The following PRKG1 variants were observed in gnomAD, a reference collection of about 807,000 sequenced individuals.
PRKG1 encodes cGMP-dependent protein kinase 1.
PRKG1 carries 35 observed loss-of-function variants against 88.1 expected under a neutral mutation model. That is an observed-to-expected ratio of 0.40 (90% CI 0.30 to 0.53). PRKG1 has a LOEUF of 0.53. Ranked by LOEUF, PRKG1 falls within the 20% of genes least tolerant of loss-of-function variation. PRKG1 has a pLI of 0.59. For synonymous variants in PRKG1, 303 were observed against 292.5 expected (o/e 1.04, Z -0.37); for missense variants, 540 against 839.8 (o/e 0.64, Z 4.41).
intron 3 of PRKG1, among the ~76,000 whole-genome samples, chr10:51,560,504 G>A (rs10998116): frequency 0.15 from 22,605 of 151,736 alleles, 1,872 homozygotes; most frequent in African/African-American, 0.22. Context: ...CTAATTTTTT[G>A]AAAAAACTTT....
chr10:51,785,124 C>CTT lies in PRKG1; in HGVS notation c.593-19448_593-19447dup, dbSNP rs539528854. On this transcript the variant is annotated intron_variant, in intron 3 of 17. Coordinates refer to ENST00000373980, the MANE Select transcript of PRKG1 (RefSeq NM_006258.4). The stretch of plus-strand genomic sequence containing the variant: ...AGAAATAGCTTCTTGATTTCTTCTT[C>CTT]TTTTTTTTTTTTTTAATAAATATCC... 6.5e-3 allele frequency among the ~76,000 whole-genome samples: 899 copies of CTT among 138,212 alleles called. 14 individuals carry two copies. Among genetic ancestry groups the CTT allele is most frequent in the African/African-American group, 0.021 (792 of 38,344 alleles). 90.7% of individuals were successfully genotyped at this position (138,212 alleles called of 152,430 possible).
chr10:51,666,579 C>T (rs1419469233), intron 3 of PRKG1, among the ~76,000 whole-genome samples: 2 of 152,084 alleles, frequency 1.3e-5, no homozygotes, highest in Admixed American at 1.3e-4. Flanking sequence ...TAATAATATA[C>T]CATAAATGCT....
chr10:51,498,962 C>T (rs1177939192), intron 3 of PRKG1, among the ~76,000 whole-genome samples: 2 of 151,526 alleles, frequency 1.3e-5, no homozygotes, highest in African/African-American at 4.8e-5. Flanking sequence ...TTCTTGCCCC[C>T]AGTAGAGTAG....
intron 2 of PRKG1, among the ~76,000 whole-genome samples, chr10:51,189,901 G>T (rs1392045591): frequency 6.6e-6 from 1 of 151,900 alleles, no homozygotes; most frequent in Non-Finnish European, 1.5e-5. Context: ...TGCCCATTAT[G>T]CAGGGAGAAA....
At chr10:52,059,062 A>T (rs566737706) in intron 6 of PRKG1, among the ~76,000 whole-genome samples, 1 of 152,078 alleles carries the variant, frequency 6.6e-6, no homozygotes, top group East Asian at 1.9e-4. Context: ...GCACATGAAG[A>T]GGTGTTCAAA....
At chr10:51,260,373 A>AT (rs149204800) in intron 2 of PRKG1, among the ~76,000 whole-genome samples, 3,015 of 152,052 alleles carry the variant, frequency 0.02, 112 homozygotes, top group African/African-American at 0.068. Flanking sequence ...TTTTCTGACG[A>AT]TTTTTTAGCA....
intron 5 of PRKG1, among the ~76,000 whole-genome samples, chr10:51,944,886 G>A (rs1226217120): frequency 4.1e-4 from 63 of 151,814 alleles, no homozygotes; most frequent in African/African-American, 1.5e-3. Context: ...TATGTGGTCA[G>A]TTTTGGAATA....
intron 3 of PRKG1, among the ~76,000 whole-genome samples, chr10:51,604,213 T>C (rs1838694451): frequency 6.6e-6 from 1 of 152,030 alleles, no homozygotes; most frequent in African/African-American, 2.4e-5. Flanking sequence ...TTAAAAGAGC[T>C]GTGGTTCTCT....
chr10:52,086,565 C>A (rs907007462), intron 7 of PRKG1, among the ~76,000 whole-genome samples: 1 of 151,930 alleles, frequency 6.6e-6, no homozygotes, highest in African/African-American at 2.4e-5. Context: ...TCACCACACC[C>A]AGCTAATTTT....
chr10:52,190,562 C>T (rs1839335079), intron 9 of PRKG1, among the ~76,000 whole-genome samples: 1 of 152,000 alleles, frequency 6.6e-6, no homozygotes, highest in Non-Finnish European at 1.5e-5. Flanking sequence ...TCTTATTTTA[C>T]CTGATTTTAC....
intron 3 of PRKG1, among the ~76,000 whole-genome samples, chr10:51,641,894 G>A (rs750486701): frequency 4.6e-5 from 7 of 151,984 alleles, no homozygotes; most frequent in Non-Finnish European, 2.9e-5. Flanking sequence ...TTCAAACCAG[G>A]GCTGAAAATC....
At chr10:51,784,907 A>C (rs1838689491) in intron 3 of PRKG1, among the ~76,000 whole-genome samples, 1 of 152,032 alleles carries the variant, frequency 6.6e-6, no homozygotes, top group African/African-American at 2.4e-5. Context: ...TTATTAATGG[A>C]AAAAGGCTAA....
At chr10:51,870,679 G>A (rs769137820) in intron 4 of PRKG1, among the ~76,000 whole-genome samples, 1 of 151,988 alleles carries the variant, frequency 6.6e-6, no homozygotes, top group Non-Finnish European at 1.5e-5. Flanking sequence ...ATGAAGAATC[G>A]CATAGGTCAG....
intron 5 of PRKG1, among the ~76,000 whole-genome samples, chr10:52,016,457 G>T (rs1304848409): frequency 6.6e-6 from 1 of 152,216 alleles, no homozygotes. Flanking sequence ...CCCATGACAT[G>T]TGGGGATTAC....
chr10:51,951,579 C>A (rs1436670071), intron 5 of PRKG1, among the ~76,000 whole-genome samples: 1 of 151,946 alleles, frequency 6.6e-6, no homozygotes, highest in African/African-American at 2.4e-5. Context: ...TTTCCAAAGA[C>A]CTTATGGTAC....
intron 2 of PRKG1, among the ~76,000 whole-genome samples, chr10:51,174,360 A>G (rs1837133746): frequency 6.6e-6 from 1 of 151,820 alleles, no homozygotes; most frequent in South Asian, 2.1e-4. Flanking sequence ...AACATTTTAT[A>G]AATAAATACT....
At chr10:51,893,008 A>G (rs142219615) in intron 4 of PRKG1, among the ~76,000 whole-genome samples, 218 of 152,332 alleles carry the variant, frequency 1.4e-3, no homozygotes, top group Middle Eastern at 6.8e-3. Flanking sequence ...TGATGCAGGC[A>G]TATGCAATTG....
At chr10:51,450,229 G>A (rs74132281) in intron 2 of PRKG1, among the ~76,000 whole-genome samples, 347 of 151,964 alleles carry the variant, frequency 2.3e-3, no homozygotes, top group African/African-American at 7.6e-3. Flanking sequence ...TAACATAAAC[G>A]TGTTAAGAAA....
At chr10:51,464,283 CAA>C (rs533694048) in intron 2 of PRKG1, among the ~76,000 whole-genome samples, 1 of 142,564 alleles carries the variant, frequency 7.0e-6, no homozygotes, top group African/African-American at 2.6e-5. Flanking sequence ...GACTCCATCT[CAA>C]AAAAAAAAGC....
Sources: allele counts gnomAD v4.1 joint callset (sites outside exome capture counted in the v4.1 genomes callset), GRCh38; gene constraint gnomAD v4.1.1; transcripts MANE v1.5; gene names NCBI Gene and HGNC (gene_info 2026-07-23, HGNC 2026-07-21).